VPS13D: variants seen among roughly 807,000 people sequenced by gnomAD.
VPS13D encodes the protein vacuolar protein sorting 13 homolog D.
A neutral mutation model predicts 461.9 loss-of-function variants in VPS13D; 187 were observed. That is an observed-to-expected ratio of 0.40 (90% CI 0.36 to 0.46). VPS13D has a LOEUF of 0.46. VPS13D is among the 20% of genes least tolerant of loss of function. VPS13D has a pLI of 0.60. For synonymous variants in VPS13D, 1,951 were observed against 1,986.3 expected (o/e 0.98, Z 0.47); for missense variants, 4,711 against 5,364.9 (o/e 0.88, Z 3.81).
chr1:12,341,778 A>G lies in VPS13D; in HGVS notation c.8627-2A>G. On this transcript the variant is annotated splice_acceptor_variant, in intron 40 of 69. Transcript: ENST00000620676. LOFTEE classifies it high-confidence loss of function. ...CTCATAGCCTTCTTCTGTTTGTCGT[A>G]GCAGAGGTGAAAACCCCCAAGCGCC... The G allele has an allele frequency of 6.2e-7, 1 of 1,613,696 alleles. No homozygotes were observed. Among genetic ancestry groups the G allele is most frequent in the Non-Finnish European group, 8.5e-7 (1 of 1,179,808 alleles).
chr1:12,278,976 T>C (rs1437799636), intron 19 of VPS13D, among the ~76,000 whole-genome samples: 1 of 152,216 alleles, frequency 6.6e-6, no homozygotes. Context: ...TTTGAGAACT[T>C]ACCCTTCTGT....
intron 60 of VPS13D, 128 bp downstream of exon 60, chr1:12,386,462 T>C (rs2101655624): frequency 9.1e-7 from 1 of 1,103,960 alleles, no homozygotes; most frequent in Middle Eastern, 2.3e-4. Flanking sequence ...CAAAAAATCA[T>C]TCTGTGAAAT....
At chr1:12,345,302 G>T in intron 42 of VPS13D, 72 bp from the exon 43 acceptor site, 1 of 1,521,264 alleles carries the variant, frequency 6.6e-7, no homozygotes, top group South Asian at 1.2e-5. Flanking sequence ...AATCAGATTT[G>T]TGTCTTTGCT....
In VPS13D at chr1:12,283,605, A is replaced by C; in HGVS notation, c.5503A>C (p.Ile1835Leu). The C allele has an allele frequency of 6.2e-7, 1 of 1,614,178 alleles. No homozygotes were observed. The highest frequency in any genetic ancestry group is 8.5e-7 in the Non-Finnish European group (1 of 1,180,022). ...GGTTGTGATATTAGACTTTTTTGGA[A>C]TCGGCTCCACTGCAGACAACCACGC... Reference protein sequence around the residue: ...TWVVILDFFGIGSTADNHAMR... With the variant: ...TWVVILDFFGLGSTADNHAMR... The change falls in exon 21 of 70, where the codon ATC becomes CTC. Residue 1835 changes from isoleucine to leucine, a missense_variant. Physicochemically the swap from Ile to Leu is conservative, Grantham distance 5. This residue lies in a region of VPS13D where 4,411 missense variants were observed against 4,937.8 expected (regional missense o/e 0.89). Transcript: ENST00000620676.
intron 67 of VPS13D, among the ~76,000 whole-genome samples, chr1:12,485,236 T>C (rs537199986): frequency 6.6e-6 from 1 of 152,352 alleles, no homozygotes; most frequent in South Asian, 2.1e-4. Flanking sequence ...TTCAGCAACA[T>C]TGAGGACTGT....
chr1:12,233,285 C>T (rs1569610130), intron 1 of VPS13D, among the ~76,000 whole-genome samples: 1 of 152,186 alleles, frequency 6.6e-6, no homozygotes, highest in African/African-American at 2.4e-5. Flanking sequence ...GGACTCCAGG[C>T]GTGAGCCACC....
rs1007934301 is a variant in VPS13D at position 12,323,610 on chromosome 1, C to G, written c.7916-96C>G. The G allele has an allele frequency of 3.3e-6, 4 of 1,222,454 alleles. No homozygotes were observed. In the East Asian group the frequency reaches 7.8e-5, roughly 24 times the overall value. The allele number at this position is 1,222,454 out of a possible 1,614,324, so 75.7% of individuals were successfully genotyped here. ...TTAGAGAAATGAAATGTTTTAGTCA[C>G]GGGTTTTTAAATTTCTTTTCTTTTT... is the stretch of plus-strand genomic sequence containing the variant. On this transcript the variant is annotated intron_variant, in intron 34 of 69. Transcript: ENST00000620676.
chr1:12,346,482 A>C (rs1017996498), intron 43 of VPS13D, 123 bp from the exon 44 acceptor site: 26 of 875,342 alleles, frequency 3.0e-5, no homozygotes, highest in Non-Finnish European at 4.5e-5. Flanking sequence ...TTCATAGTAG[A>C]CTATACTTTA....
intron 32 of VPS13D, 64 bp downstream of exon 32, chr1:12,319,694 G>T (rs1642983503): frequency 1.2e-6 from 2 of 1,607,044 alleles, no homozygotes; most frequent in Non-Finnish European, 1.7e-6. Flanking sequence ...ATCTGGAAGA[G>T]AATTTTCCCT....
intron 65 of VPS13D, among the ~76,000 whole-genome samples, chr1:12,439,054 A>G (rs1361537711): frequency 3.3e-5 from 5 of 151,936 alleles, no homozygotes; most frequent in Non-Finnish European, 5.9e-5. Flanking sequence ...CTTGCTTCCT[A>G]CTACTGACAT....
intron 26 of VPS13D, among the ~76,000 whole-genome samples, chr1:12,305,338 G>A (rs1642532146): frequency 6.6e-6 from 1 of 152,006 alleles, no homozygotes; most frequent in African/African-American, 2.4e-5. Flanking sequence ...GCAGTGTTGT[G>A]ATGATGGCTT....
intron 46 of VPS13D, among the ~76,000 whole-genome samples, chr1:12,349,871 C>G (rs1464264318): frequency 6.6e-6 from 1 of 152,160 alleles, no homozygotes; most frequent in African/African-American, 2.4e-5. Context: ...TTACTAGATT[C>G]AGTGTTGGAA....
rs1486610240 is a variant in VPS13D at position 12,318,220 on chromosome 1, A to G, written c.7297A>G (p.Asn2433Asp). 1.2e-6 allele frequency: 2 copies of G among 1,614,208 alleles called. No homozygotes were observed. The highest frequency in any genetic ancestry group is 3.3e-5 in the Admixed American group (2 of 60,020). ...TCATGTTACTCCTTCTCGCCACCGT[A>G]ACTCTAGCAGCGAATCTGCTATAGT... ...QNHVTPSRHR[N>D]SSSESAIVPK... Residue 2433 changes from asparagine to aspartate, a missense_variant, in exon 31 of 70, where the codon AAC (asparagine) becomes GAC (aspartate). Around this residue, in one of 3 missense-constraint regions of VPS13D, gnomAD observed 4,411 missense variants for 4,937.8 expected, o/e 0.89. Coordinates refer to ENST00000620676, the MANE Select transcript of VPS13D (RefSeq NM_015378.4).
intron 5 of VPS13D, among the ~76,000 whole-genome samples, chr1:12,247,007 G>C (rs1381808644): frequency 6.6e-6 from 1 of 151,478 alleles, no homozygotes; most frequent in African/African-American, 2.5e-5. Flanking sequence ...GAGTAGAATT[G>C]AGGAATTATG....
At chr1:12,326,137 C>T (rs1296107699) in intron 35 of VPS13D, among the ~76,000 whole-genome samples, 1 of 151,240 alleles carries the variant, frequency 6.6e-6, no homozygotes, top group Admixed American at 6.6e-5. Context: ...CTTTTGGATT[C>T]TGAAAAAAAT....
At chr1:12,256,836 A>C (rs1237315000) in intron 8 of VPS13D, 151 bp from the exon 9 acceptor site, 2 of 723,084 alleles carry the variant, frequency 2.8e-6, no homozygotes, top group Non-Finnish European at 4.5e-6. Flanking sequence ...GAAACATGTC[A>C]CTTGATGCTG....
At chr1:12,492,035 G>A (rs1173019515) in intron 67 of VPS13D, among the ~76,000 whole-genome samples, 1 of 152,240 alleles carries the variant, frequency 6.6e-6, no homozygotes, top group African/African-American at 2.4e-5. Context: ...GGAGAGGTGA[G>A]TGGGTGGATT....
At chr1:12,389,035 C>T (rs1425593191) in intron 60 of VPS13D, among the ~76,000 whole-genome samples, 1 of 152,164 alleles carries the variant, frequency 6.6e-6, no homozygotes, top group African/African-American at 2.4e-5. Flanking sequence ...CCACAATAGG[C>T]TGTCTGCAAG....
intron 3 of VPS13D, among the ~76,000 whole-genome samples, chr1:12,243,206 C>T (rs766077526): frequency 9.9e-5 from 15 of 152,090 alleles, no homozygotes; most frequent in Non-Finnish European, 2.1e-4. Context: ...CTGCCTGTCT[C>T]GGCCTCCCAA....
Sources: gnomAD v4.1 joint callset for allele counts (sites outside exome capture counted in the v4.1 genomes callset) on GRCh38, gnomAD v4.1.1 for gene constraint, gnomAD v4.1.1 regional missense constraint, MANE v1.5 for transcripts, NCBI Gene and HGNC (gene_info 2026-07-23, HGNC 2026-07-21) for gene names.